The following APPBP2 variants were observed in gnomAD, a reference collection of about 807,000 sequenced individuals.
APPBP2 encodes amyloid beta precursor protein binding protein 2, also known as amyloid protein-binding protein 2.
A neutral mutation model predicts 76.0 loss-of-function variants in APPBP2; 15 were observed. The observed-to-expected ratio is 0.20, with a 90% CI of 0.13 to 0.30. The LOEUF (loss-of-function observed/expected upper bound fraction) is 0.30. Among genes scored for constraint, APPBP2 ranks in the 10% least tolerant of loss-of-function variants. The probability of loss-of-function intolerance (pLI) is 1.00; values close to 1 mark genes in which losing one functional copy is unlikely to be tolerated. For synonymous variants in APPBP2, 222 were observed against 242.2 expected (o/e 0.92, Z 0.77); for missense variants, 401 against 687.2 (o/e 0.58, Z 4.66).
At chr17:60,493,879 C>G (rs1043046695) in intron 3 of APPBP2, among the ~76,000 whole-genome samples, 1 of 152,176 alleles carries the variant, frequency 6.6e-6, no homozygotes, top group Admixed American at 6.6e-5. Context: ...GACAGTGATC[C>G]ACCCACCTCA....
At chr17:60,491,443 G>A (rs1398934426) in intron 3 of APPBP2, among the ~76,000 whole-genome samples, 1 of 151,926 alleles carries the variant, frequency 6.6e-6, no homozygotes, top group South Asian at 2.1e-4. Context: ...ATTTTTTTGA[G>A]ATGAAGTTTT....
At chr17:60,447,941 GT>G in intron 12 of APPBP2, 107 bp from the exon 13 acceptor site, 1 of 1,038,352 alleles carries the variant, frequency 9.6e-7, no homozygotes, top group Non-Finnish European at 1.4e-6. Context: ...GGTGGCTTAG[GT>G]TTATTCCCCT....
intron 1 of APPBP2, among the ~76,000 whole-genome samples, chr17:60,510,656 C>A (rs2090904532): frequency 6.6e-6 from 1 of 151,906 alleles, no homozygotes; most frequent in Non-Finnish European, 1.5e-5. Context: ...GTTGAGGCCG[C>A]AGTGAGCCAT....
chr17:60,483,329 C>T (rs545756024), intron 3 of APPBP2, among the ~76,000 whole-genome samples: 5 of 152,208 alleles, frequency 3.3e-5, no homozygotes, highest in African/African-American at 1.2e-4. Flanking sequence ...TGGGTATCAG[C>T]CCATTGTCAG....
intron 1 of APPBP2, among the ~76,000 whole-genome samples, chr17:60,510,638 C>T (rs1020742374): frequency 2.0e-5 from 3 of 151,838 alleles, no homozygotes; most frequent in Admixed American, 6.6e-5. Context: ...TTTGCCTGAG[C>T]CTGGGAGGTT....
intron 4 of APPBP2, among the ~76,000 whole-genome samples, chr17:60,467,522 G>A (rs1042333539): frequency 6.6e-6 from 1 of 152,148 alleles, no homozygotes; most frequent in African/African-American, 2.4e-5. Flanking sequence ...CTCCCAACAC[G>A]TACCATACAA....
Position 60,444,736 on chromosome 17 carries a change from G to A in APPBP2, c.*2845C>T, listed in dbSNP as rs183222206. On this transcript the variant is annotated 3_prime_UTR_variant, in exon 13 of 13. Transcript: ENST00000083182. ...ACTCTATTAAATGGAATGCAGGCAT[G>A]AGTGGCCACCTGAGCGACACATGCG... 18 of 152,652 alleles carry A rather than the reference G, an allele frequency of 1.2e-4. No homozygotes were observed. The highest frequency in any genetic ancestry group is 5.2e-4 in the Admixed American group (8 of 15,274). The allele number at this position is 152,652 out of a possible 1,614,324, so 9.5% of individuals were successfully genotyped here. A position where few individuals can be genotyped will look rare whatever the true frequency, so the allele number is the denominator to read the frequency against.
chr17:60,501,466 G>A (rs879256856), intron 1 of APPBP2, among the ~76,000 whole-genome samples: 4 of 151,984 alleles, frequency 2.6e-5, no homozygotes, highest in South Asian at 2.1e-4. Context: ...GTGCAATCTC[G>A]GCTCACTGCA....
At chr17:60,506,174 G>C (rs1251707079) in intron 1 of APPBP2, among the ~76,000 whole-genome samples, 4 of 151,528 alleles carry the variant, frequency 2.6e-5, no homozygotes, top group Non-Finnish European at 5.9e-5. Flanking sequence ...CATTTTTTCT[G>C]TAGAGATGGG....
intron 3 of APPBP2, among the ~76,000 whole-genome samples, chr17:60,479,658 C>T (rs1323825227): frequency 6.6e-6 from 1 of 152,136 alleles, no homozygotes; most frequent in Admixed American, 6.5e-5. Context: ...TATAGCAGCA[C>T]ATAACGGAGG....
In APPBP2 at chr17:60,445,990, A is replaced by C. The variant is rs1443886732; in HGVS notation, c.*1591T>G. 2 of 152,166 alleles carry C rather than the reference A, an allele frequency of 1.3e-5. No homozygotes were observed. The highest frequency in any genetic ancestry group is 2.9e-5 in the Non-Finnish European group (2 of 68,020). 9.4% of individuals were successfully genotyped at this position (152,166 alleles called of 1,614,324 possible). On this transcript the variant is annotated 3_prime_UTR_variant, in exon 13 of 13. Transcript: ENST00000083182. The stretch of plus-strand genomic sequence containing the variant: ...TGCTTAAAATATTAATAAAATTTGA[A>C]ATCTACAACTTTTCTGTACTCAATG...
Position 60,454,460 on chromosome 17 carries a change from G to T in APPBP2, c.1180C>A (p.His394Asn). ...AGCCTCTGTTCAGTTTCCTTATTAT[G>T]ACAATCAATTGCAATCTCCTCTAAA... ...LILEEIAIDC[H>N]NKETEQRLLQ... Residue 394 changes from histidine to asparagine, a missense_variant, in exon 11 of 13, where the codon CAT becomes AAT. Transcript: ENST00000083182. 6.2e-7 allele frequency: 1 copy of T among 1,603,780 alleles called. No individual in the cohort carries two copies. The highest frequency in any genetic ancestry group is 1.1e-5 in the South Asian group (1 of 88,514).
At chr17:60,511,403 G>A (rs2090911800) in intron 1 of APPBP2, among the ~76,000 whole-genome samples, 1 of 151,946 alleles carries the variant, frequency 6.6e-6, no homozygotes, top group African/African-American at 2.4e-5. Context: ...TGGCCAACAT[G>A]GTGAAACCCC....
chr17:60,505,774 C>T (rs895952634), intron 1 of APPBP2, among the ~76,000 whole-genome samples: 5 of 146,018 alleles, frequency 3.4e-5, no homozygotes, highest in African/African-American at 1.3e-4. Flanking sequence ...ACCTCTGCCT[C>T]CCGGGTTCAA....
intron 2 of APPBP2, chr17:60,496,571 T>G (rs561578770): frequency 1.3e-5 from 2 of 152,192 alleles, no homozygotes; most frequent in Non-Finnish European, 2.9e-5. Context: ...GTTTTTCTAG[T>G]CTTCTTTTAC....
chr17:60,445,243 AATG>A lies in APPBP2; in HGVS notation c.*2335_*2337del, dbSNP rs1276113885. 1 of 152,650 alleles carries A rather than the reference AATG, an allele frequency of 6.6e-6. No homozygotes were observed. The highest frequency in any genetic ancestry group is 2.4e-5 in the African/African-American group (1 of 41,460). The allele number at this position is 152,650 out of a possible 1,614,324, so 9.5% of individuals were successfully genotyped here. A position where few individuals can be genotyped will look rare whatever the true frequency, so the allele number is the denominator to read the frequency against. ...GTGGTGATAAGGAGAAACTGCCAAT[AATG>A]ATGTTTCAAAAAAACACAACTGGCT... is the stretch of plus-strand genomic sequence containing the variant. On this transcript the variant is annotated 3_prime_UTR_variant, in exon 13 of 13. Transcript: ENST00000083182.
chr17:60,525,833 G>A lies in APPBP2; in HGVS notation c.99C>T (p.Arg33=). 1.2e-6 allele frequency: 2 copies of A among 1,614,138 alleles called. No homozygotes were observed. Among genetic ancestry groups the A allele is most frequent in the Non-Finnish European group, 1.7e-6 (2 of 1,180,008 alleles). The part of the protein sequence containing the change: ...DNYIRSRRDI[R]SLPENIQFDV... ...CAAACTGGATGTTCTCGGGCAAGGA[G>A]CGGATGTCTCGGCGGGAGCGGATGT... Residue 33 remains arginine, a synonymous_variant, in exon 1 of 13, where the codon CGC becomes CGT. Coordinates refer to ENST00000083182, the MANE Select transcript of APPBP2 (RefSeq NM_006380.5).
intron 3 of APPBP2, among the ~76,000 whole-genome samples, chr17:60,490,587 T>A (rs756027009): frequency 6.6e-6 from 1 of 152,200 alleles, no homozygotes; most frequent in Non-Finnish European, 1.5e-5. Context: ...GAAGACTGCT[T>A]GAGCCCAAGT....
intron 10 of APPBP2, among the ~76,000 whole-genome samples, chr17:60,455,071 T>C (rs73990451): frequency 0.019 from 2,831 of 152,256 alleles, 84 homozygotes; most frequent in African/African-American, 0.063. Context: ...AAACTGTCTA[T>C]GTACACAAAG....
Sources: allele counts gnomAD v4.1 joint callset (sites outside exome capture counted in the v4.1 genomes callset), GRCh38; gene constraint gnomAD v4.1.1; transcripts MANE v1.5; gene names NCBI Gene and HGNC (gene_info 2026-07-23, HGNC 2026-07-21).